Variants in TCTN2 observed in about 807,000 individuals in gnomAD.
TCTN2 encodes tectonic family member 2, also known as tectonic-2.
Under a neutral mutation model 83.4 loss-of-function variants are expected in TCTN2, and 66 were observed. The observed-to-expected ratio is 0.79, with a 90% confidence interval of 0.65 to 0.97. TCTN2 has a LOEUF of 0.97. TCTN2 is among the 50% of genes least tolerant of loss of function. TCTN2 has a pLI of 0.00. For missense variants in TCTN2, 794 were observed against 858.1 expected (o/e 0.93, Z 0.93); for synonymous variants, 301 against 326.7 (o/e 0.92, Z 0.85).
intron 14 of TCTN2, 142 bp from the exon 15 acceptor site, chr12:123,704,390 C>T (rs1329496475): frequency 3.7e-6 from 3 of 819,528 alleles, no homozygotes; most frequent in African/African-American, 1.7e-5. Context: ...TATGGAGTGA[C>T]AAGTAACTAG....
At chr12:123,673,842 A>T in intron 4 of TCTN2, 32 bp downstream of exon 4, 1 of 1,604,438 alleles carries the variant, frequency 6.2e-7, no homozygotes, top group Non-Finnish European at 8.5e-7. Flanking sequence ...CAAAACTTTC[A>T]TGTTGTTCCC....
chr12:123,691,829 TC>T (rs1409885848), intron 8 of TCTN2, among the ~76,000 whole-genome samples: 27 of 152,098 alleles, frequency 1.8e-4, no homozygotes, highest in African/African-American at 6.0e-4. Flanking sequence ...CCTCCCTGGT[TC>T]AAGCGATTCC....
intron 7 of TCTN2, among the ~76,000 whole-genome samples, chr12:123,689,729 C>A (rs115380366): frequency 0.022 from 3,296 of 152,188 alleles, 92 homozygotes; most frequent in African/African-American, 0.068. Flanking sequence ...ATTTTATTTA[C>A]CATTCTAGAA....
chr12:123,707,534 A>C, intron 17 of TCTN2, 70 bp from the exon 18 acceptor site: 1 of 1,442,722 alleles, frequency 6.9e-7, no homozygotes, highest in South Asian at 1.2e-5. Context: ...CACCACACCC[A>C]GCCTATACCT....
At chr12:123,704,847 A>G (rs569140373) in intron 15 of TCTN2, among the ~76,000 whole-genome samples, 159 bp downstream of exon 15, 1 of 152,262 alleles carries the variant, frequency 6.6e-6, no homozygotes, top group Admixed American at 6.5e-5. Context: ...TGTACGAACT[A>G]TGTGTATAAT....
chr12:123,683,268 CTATT>C (rs1378862616), intron 5 of TCTN2, among the ~76,000 whole-genome samples: 5 of 151,194 alleles, frequency 3.3e-5, no homozygotes, highest in South Asian at 2.1e-4. Flanking sequence ...TTTTCTGATT[CTATT>C]TATTTATTTA....
rs369715760 is a variant in TCTN2, at chr12:123,699,853, T to A, written c.1612+43T>A. 8 of 1,483,726 alleles carry A rather than the reference T, an allele frequency of 5.4e-6. No homozygotes were observed. In the African/African-American group the frequency reaches 1.1e-4, roughly 21 times the overall value. The allele number at this position is 1,483,726 out of a possible 1,614,324, so 91.9% of individuals were successfully genotyped here. On this transcript the variant is annotated intron_variant, in intron 14 of 17. Transcript: ENST00000303372. ...ACAATAAAGCCTGTAACTTGGTTGCTGTGACTACCAACTGTAGTCGCAGCA... is the reference window on the plus strand; with the variant it reads ...ACAATAAAGCCTGTAACTTGGTTGCAGTGACTACCAACTGTAGTCGCAGCA...
In TCTN2 at chr12:123,704,589, G is replaced by A. The variant is rs751928132; in HGVS notation, c.1670G>A (p.Cys557Tyr). 3.1e-6 allele frequency: 5 copies of A among 1,613,566 alleles called. No homozygotes were observed. In the East Asian group the frequency reaches 6.7e-5, roughly 22 times the overall value. The stretch of plus-strand genomic sequence containing the variant: ...CTGGCTAGCAGTGTGAACGGCATGT[G>A]CCTGGATATTCCTGCTCACCTGAGC... Reference protein sequence around the residue: ...DPLASSVNGMCLDIPAHLSIR... With the variant: ...DPLASSVNGMYLDIPAHLSIR... The change falls in exon 15 of 18, where the codon TGC becomes TAC. Residue 557 changes from cysteine to tyrosine, a missense_variant. Physicochemically the swap from Cys to Tyr is radical, Grantham distance 194 (BLOSUM62 -2). Coordinates refer to ENST00000303372, the MANE Select transcript of TCTN2 (RefSeq NM_024809.5).
At chr12:123,683,490 A>C (rs1955925134) in intron 5 of TCTN2, among the ~76,000 whole-genome samples, 1 of 151,486 alleles carries the variant, frequency 6.6e-6, no homozygotes, top group Non-Finnish European at 1.5e-5. Flanking sequence ...CGTGTTGGCC[A>C]GGCTGGTCTT....
At chr12:123,671,456 G>T (rs1347824986) in intron 1 of TCTN2, 51 bp from the exon 2 acceptor site, 21 of 1,597,362 alleles carry the variant, frequency 1.3e-5, no homozygotes, top group Non-Finnish European at 1.8e-5. Context: ...CACCTTAGGC[G>T]GTGATTCTTC....
chr12:123,672,257 G>T (rs1955763745), intron 3 of TCTN2, 125 bp downstream of exon 3: 1 of 934,508 alleles, frequency 1.1e-6, no homozygotes, highest in African/African-American at 1.6e-5. Context: ...GAAATTGTGG[G>T]CTGTTGGATC....
chr12:123,694,214 T>G (rs1956080624), intron 9 of TCTN2, among the ~76,000 whole-genome samples: 1 of 151,780 alleles, frequency 6.6e-6, no homozygotes, highest in Non-Finnish European at 1.5e-5. Flanking sequence ...AGGCTGGTCT[T>G]GAACTCCTGA....
intron 4 of TCTN2, among the ~76,000 whole-genome samples, chr12:123,677,351 T>C (rs1955836487): frequency 1.3e-5 from 2 of 152,240 alleles, no homozygotes; most frequent in African/African-American, 4.8e-5. Flanking sequence ...GATCGTTAGT[T>C]GTTCTTTAGA....
chr12:123,707,263 T>C, intron 17 of TCTN2, 190 bp downstream of exon 17: 1 of 639,814 alleles, frequency 1.6e-6, no homozygotes, highest in Non-Finnish European at 2.7e-6. Context: ...ACTGTTTTTT[T>C]TTTTAGAGAG....
At position 123,699,732 on chromosome 12, in the gene TCTN2, T is replaced by C; in HGVS notation, c.1534T>C (p.Leu512=). The C allele has an allele frequency of 6.2e-7, 1 of 1,614,190 alleles. No individual in the cohort carries two copies. Among genetic ancestry groups the C allele is most frequent in the Non-Finnish European group, 8.5e-7 (1 of 1,180,022 alleles). ...RENAVERLDS[L]IQATHVAMRG... Reference sequence around the variant, plus strand: ...GAATGCTGTTGAAAGACTTGATTCATTAATACAAGCGACTCACGTTGCAAT... The same window carrying C: ...GAATGCTGTTGAAAGACTTGATTCACTAATACAAGCGACTCACGTTGCAAT... Residue 512 remains leucine (L), a synonymous_variant, in exon 14 of 18, where the codon TTA becomes CTA. Transcript: ENST00000303372.
chr12:123,682,468 GT>G (rs1000465066), intron 5 of TCTN2, among the ~76,000 whole-genome samples: 2 of 143,164 alleles, frequency 1.4e-5, no homozygotes, highest in Non-Finnish European at 3.1e-5. Context: ...TCTTTTTTTT[GT>G]TTGTTTTATT....
chr12:123,673,790 C>A lies in TCTN2; in HGVS notation c.443C>A (p.Ser148Tyr), dbSNP rs1955786451. 6.2e-7 allele frequency: 1 copy of A among 1,614,096 alleles called. No individual in the cohort carries two copies. The highest frequency in any genetic ancestry group is 1.3e-5 in the African/African-American group (1 of 74,940). ...CAAGTGGAAATTTATGCCAACTCTT[C>A]TCTGACCCATAATGCCTCAGGCAAG... is the stretch of plus-strand genomic sequence containing the variant. ...LIQVEIYANS[S>Y]LTHNASENVT... The change falls in exon 4 of 18, where the codon TCT becomes TAT. Residue 148 changes from serine (S) to tyrosine (Y), a missense_variant. Physicochemically the swap from Ser to Tyr is moderately radical, Grantham distance 144. Coordinates refer to ENST00000303372, the MANE Select transcript of TCTN2 (RefSeq NM_024809.5).
At chr12:123,694,300 T>C (rs1161185425) in intron 9 of TCTN2, among the ~76,000 whole-genome samples, 1 of 152,224 alleles carries the variant, frequency 6.6e-6, no homozygotes, top group Non-Finnish European at 1.5e-5. Flanking sequence ...GCCTAATTTT[T>C]GTATTTTTAG....
At chr12:123,680,388 A>ATTT (rs1204785087) in intron 5 of TCTN2, among the ~76,000 whole-genome samples, 1 of 146,904 alleles carries the variant, frequency 6.8e-6, no homozygotes, top group African/African-American at 2.5e-5. Context: ...TTTTGAGTAA[A>ATTT]TTTTTTTTTT....
Sources: allele counts gnomAD v4.1 joint callset (sites outside exome capture counted in the v4.1 genomes callset), GRCh38; gene constraint gnomAD v4.1.1; transcripts MANE v1.5; gene names NCBI Gene and HGNC (gene_info 2026-07-23, HGNC 2026-07-21).